The following MKNK1 variants were observed in gnomAD, a reference collection of about 807,000 sequenced individuals.
MKNK1 encodes MAP kinase-interacting serine/threonine-protein kinase 1.
A neutral mutation model predicts 49.3 loss-of-function variants in MKNK1; 30 were observed. The observed-to-expected ratio is 0.61, with a 90% CI of 0.46 to 0.83. MKNK1 has a LOEUF of 0.83. MKNK1 is among the 40% of genes least tolerant of loss of function. MKNK1 has a pLI of 0.00. For synonymous variants in MKNK1, 176 were observed against 201.7 expected (o/e 0.87, Z 1.08); for missense variants, 423 against 524.7 (o/e 0.81, Z 1.89).
At position 46,602,523 on chromosome 1, in the gene MKNK1, A is replaced by C. The variant is rs116070817; in HGVS notation, c.-171+1662T>G. Among the ~76,000 whole-genome samples, 1,339 of 152,342 alleles carry C rather than the reference A, an allele frequency of 8.8e-3. 22 individuals are homozygous for C. The highest frequency in any genetic ancestry group is 0.03 in the African/African-American group (1,258 of 41,566). ...GGAGAGGTGTGGGAACAAATTGTGC[A>C]GGAACTTGTCTGAGGCTGGAGTCCA... On this transcript the variant is annotated intron_variant, in intron 1 of 12. Coordinates refer to ENST00000371945, the MANE Select transcript of MKNK1 (RefSeq NM_001135553.4).
At chr1:46,587,730 T>C (rs993600481) in intron 2 of MKNK1, among the ~76,000 whole-genome samples, 2 of 152,080 alleles carry the variant, frequency 1.3e-5, no homozygotes, top group African/African-American at 2.4e-5. Flanking sequence ...GGCAGGAGAA[T>C]TGCTTGAACC....
intron 4 of MKNK1, among the ~76,000 whole-genome samples, chr1:46,577,429 C>T (rs557580943): frequency 2.6e-5 from 4 of 151,888 alleles, no homozygotes; most frequent in Non-Finnish European, 4.4e-5. Context: ...TGCAGTGAGC[C>T]GAGATTGTGC....
chr1:46,568,013 T>G (rs1023620128), intron 8 of MKNK1, among the ~76,000 whole-genome samples: 1 of 151,992 alleles, frequency 6.6e-6, no homozygotes, highest in Non-Finnish European at 1.5e-5. Context: ...TCTCAGCTAC[T>G]TGGGGGGCTG....
rs761758110 is a variant in MKNK1, at chr1:46,574,996, G to T, written c.303C>A (p.Phe101Leu). 3.5e-5 allele frequency: 56 copies of T among 1,612,690 alleles called. No individual in the cohort carries two copies. The highest frequency in any genetic ancestry group is 2.2e-5 in the East Asian group (1 of 44,870). ...GNKNILELIE[F>L]FEDDTRFYLV... ...AGTAAAACCTTGTGTCATCTTCAAA[G>T]AACTCAATCAGCTCCAAAATGTTCC... The change falls in exon 6 of 13, where the codon TTC becomes TTA. Residue 101 changes from phenylalanine to leucine, a missense_variant. Transcript: ENST00000371945.
At position 46,558,845 on chromosome 1, in the gene MKNK1, G is replaced by T. The variant is rs1392358393; in HGVS notation, c.1014-45C>A. The T allele has an allele frequency of 1.6e-5, 25 of 1,543,430 alleles. No individual in the cohort carries two copies. In the East Asian group the frequency reaches 5.6e-4, roughly 35 times the overall value. On this transcript the variant is annotated intron_variant, in intron 12 of 12. Coordinates refer to ENST00000371945, the MANE Select transcript of MKNK1 (RefSeq NM_001135553.4). ...CACAGAAAAGAGGGTCAGGACTCTAGGGTCAGCCAGGCCAGCTCCGGGACA... is the reference window on the plus strand; with the variant it reads ...CACAGAAAAGAGGGTCAGGACTCTATGGTCAGCCAGGCCAGCTCCGGGACA...
At position 46,572,137 on chromosome 1, in the gene MKNK1, T is replaced by C. The variant is rs745494275; in HGVS notation, c.383A>G (p.Lys128Arg). The part of the protein sequence containing the change: ...GSILAHIQKQ[K>R]HFNEREASRV... ...GCTGGCTTCTCGCTCATTGAAGTGC[T>C]TTTGCTTCTGGATGTGGGCTAAGAT... is the stretch of plus-strand genomic sequence containing the variant. The change falls in exon 7 of 13, where the codon AAG becomes AGG. Residue 128 changes from lysine to arginine, a missense_variant. Physicochemically the swap from Lys to Arg is conservative, Grantham distance 26. Coordinates refer to ENST00000371945, the MANE Select transcript of MKNK1 (RefSeq NM_001135553.4). 1 of 1,614,082 alleles carries C rather than the reference T, an allele frequency of 6.2e-7. No homozygotes were observed. The highest frequency in any genetic ancestry group is 2.2e-5 in the East Asian group (1 of 44,878).
intron 2 of MKNK1, chr1:46,593,772 C>A: frequency 6.2e-6 from 1 of 160,180 alleles, no homozygotes; most frequent in Non-Finnish European, 1.3e-5. Flanking sequence ...AGGAGAATCG[C>A]TTGAACCTGG....
chr1:46,570,483 C>T (rs998702911), intron 7 of MKNK1, among the ~76,000 whole-genome samples: 7 of 152,228 alleles, frequency 4.6e-5, no homozygotes, highest in African/African-American at 1.7e-4. Context: ...AGTATGCAGA[C>T]CTCTTTCAGC....
chr1:46,571,350 C>A, intron 7 of MKNK1: 1 of 253,312 alleles, frequency 3.9e-6, no homozygotes. Flanking sequence ...TTGAGACCAG[C>A]CTGGGCAACA....
At chr1:46,586,170 A>C in intron 2 of MKNK1, 1 of 341,010 alleles carries the variant, frequency 2.9e-6, no homozygotes. Flanking sequence ...TCATGCAAAC[A>C]CTCATGGGAT....
intron 12 of MKNK1, among the ~76,000 whole-genome samples, chr1:46,559,213 G>A (rs903731056): frequency 2.0e-5 from 3 of 152,218 alleles, no homozygotes; most frequent in African/African-American, 7.2e-5. Flanking sequence ...CCTAGCTCAG[G>A]GCTAGCGTGG....
At chr1:46,565,272 G>C (rs372784861) in intron 8 of MKNK1, 136 bp from the exon 9 acceptor site, 79 of 751,690 alleles carry the variant, frequency 1.1e-4, no homozygotes, top group Admixed American at 7.8e-4. Context: ...TTTGCTCTCC[G>C]GAGGTTAACA....
At chr1:46,571,663 G>A (rs1670169653) in intron 7 of MKNK1, 2 of 340,492 alleles carry the variant, frequency 5.9e-6, no homozygotes, top group Non-Finnish European at 1.1e-5. Context: ...TATATTTTAA[G>A]ACTAGAAGGA....
chr1:46,579,114 G>A (rs961861048), intron 4 of MKNK1, among the ~76,000 whole-genome samples: 2 of 152,116 alleles, frequency 1.3e-5, no homozygotes, highest in African/African-American at 4.8e-5. Context: ...ATACTGAGCT[G>A]TTTCCCAAAA....
At chr1:46,599,446 C>A (rs1674465087) in intron 1 of MKNK1, among the ~76,000 whole-genome samples, 2 of 152,208 alleles carry the variant, frequency 1.3e-5, no homozygotes, top group Admixed American at 6.5e-5. Context: ...ATTCTACTAG[C>A]TAAGGATGGC....
chr1:46,568,177 T>A (rs2181414), intron 8 of MKNK1: 2 of 388,196 alleles, frequency 5.2e-6, no homozygotes, highest in South Asian at 4.8e-5. Flanking sequence ...GATAGATGCA[T>A]TGGACTAGAA....
At chr1:46,575,788 A>G (rs1471653987) in intron 5 of MKNK1, 1 of 152,256 alleles carries the variant, frequency 6.6e-6, no homozygotes, top group African/African-American at 2.4e-5. Context: ...CCCTCATAAA[A>G]AAAATGCTGA....
At chr1:46,567,959 T>C (rs910931142) in intron 8 of MKNK1, among the ~76,000 whole-genome samples, 1 of 152,012 alleles carries the variant, frequency 6.6e-6, no homozygotes, top group Admixed American at 6.6e-5. Context: ...CTGTCTCTAC[T>C]AAAAATACAA....
rs1377332946 is a variant in MKNK1, at chr1:46,594,169, G to A, written c.-59C>T. 2 of 1,607,712 alleles carry A rather than the reference G, an allele frequency of 1.2e-6. No homozygotes were observed. Among genetic ancestry groups the A allele is most frequent in the Admixed American group, 3.3e-5 (2 of 59,994 alleles). On this transcript the variant is annotated 5_prime_UTR_variant, in exon 2 of 13. Transcript: ENST00000371945. ...CATCTGTAAACTTGAAATCCCAAAT[G>A]AAATAAAGCTCCTGTCAGGAAGTTG...
Sources: gnomAD v4.1 joint callset for allele counts (sites outside exome capture counted in the v4.1 genomes callset) on GRCh38, gnomAD v4.1.1 for gene constraint, MANE v1.5 for transcripts, NCBI Gene and HGNC (gene_info 2026-07-23, HGNC 2026-07-21) for gene names.